The following RBMS3 variants were observed in gnomAD, a reference collection of about 807,000 sequenced individuals.
The protein encoded by RBMS3 is RNA-binding motif, single-stranded-interacting protein 3.
Under a neutral mutation model 66.8 loss-of-function variants are expected in RBMS3, and 27 were observed. That is an observed-to-expected ratio of 0.40 (90% CI 0.30 to 0.56). The LOEUF (loss-of-function observed/expected upper bound fraction) is 0.56, where lower values mean the gene tolerates loss of function less well. Among genes scored for constraint, RBMS3 ranks in the 20% least tolerant of loss-of-function variants. The probability of loss-of-function intolerance (pLI) is 0.40; values close to 1 mark genes in which losing one functional copy is unlikely to be tolerated. For synonymous variants in RBMS3, 188 were observed against 183.0 expected, an observed-to-expected ratio of 1.03 and a Z score of -0.22; for missense variants, 513 against 549.5, an observed-to-expected ratio of 0.93 and a Z score of 0.66.
chr3:29,609,865 G>A (rs1029938538), intron 4 of RBMS3, among the ~76,000 whole-genome samples: 3 of 151,888 alleles, frequency 2.0e-5, no homozygotes, highest in African/African-American at 7.2e-5. Context: ...GGGGATTCGT[G>A]CACAAAAAGG....
At chr3:29,929,395 G>A (rs2061046489) in intron 10 of RBMS3, among the ~76,000 whole-genome samples, 1 of 151,966 alleles carries the variant, frequency 6.6e-6, no homozygotes, top group Non-Finnish European at 1.5e-5. Flanking sequence ...TACCTGCTTT[G>A]GTAAGAAATA....
intron 8 of RBMS3, among the ~76,000 whole-genome samples, chr3:29,894,366 C>T (rs2060073300): frequency 6.6e-6 from 1 of 151,412 alleles, no homozygotes; most frequent in African/African-American, 2.4e-5. Context: ...TACAGACATG[C>T]ACCACCATGC....
intron 10 of RBMS3, among the ~76,000 whole-genome samples, chr3:29,917,185 G>T (rs1039116860): frequency 4.6e-5 from 7 of 151,890 alleles, no homozygotes; most frequent in Non-Finnish European, 1.0e-4. Flanking sequence ...TTCCAGCAGG[G>T]GAAAAATAAT....
At chr3:29,420,011 T>C (rs1338161067) in intron 1 of RBMS3, among the ~76,000 whole-genome samples, 1 of 152,196 alleles carries the variant, frequency 6.6e-6, no homozygotes, top group Admixed American at 6.5e-5. Flanking sequence ...GCTTAAGATG[T>C]AGTCAATTTT....
At chr3:29,529,197 G>C (rs1369122414) in intron 3 of RBMS3, among the ~76,000 whole-genome samples, 2 of 152,122 alleles carry the variant, frequency 1.3e-5, no homozygotes, top group Non-Finnish European at 2.9e-5. Context: ...TGTATTTATT[G>C]ATCTATTGTA....
intron 1 of RBMS3, among the ~76,000 whole-genome samples, chr3:29,310,274 A>AG (rs2034292418): frequency 6.6e-6 from 1 of 151,668 alleles, no homozygotes; most frequent in Non-Finnish European, 1.5e-5. Flanking sequence ...TAATCTCAGT[A>AG]AAGTAGGTCA....
At chr3:29,282,911 A>G (rs759036647) in intron 1 of RBMS3, among the ~76,000 whole-genome samples, 52 of 152,302 alleles carry the variant, frequency 3.4e-4, no homozygotes, top group Non-Finnish European at 5.0e-4. Flanking sequence ...AGTATTATAC[A>G]AAAGATTATT....
chr3:29,500,916 A>C (rs112565181), intron 3 of RBMS3, among the ~76,000 whole-genome samples: 2 of 152,118 alleles, frequency 1.3e-5, no homozygotes, highest in African/African-American at 4.8e-5. Flanking sequence ...GAGTTTAAAA[A>C]TTGTTATATA....
chr3:29,547,807 ATTTTTTTTT>A (rs3043400), intron 3 of RBMS3, among the ~76,000 whole-genome samples: 2 of 93,298 alleles, frequency 2.1e-5, no homozygotes, highest in African/African-American at 4.2e-5. Context: ...TTGTGGATTG[ATTTTTTTTT>A]TTTTTTTTTT....
intron 4 of RBMS3, among the ~76,000 whole-genome samples, chr3:29,725,276 C>T (rs954895451): frequency 3.9e-5 from 6 of 152,102 alleles, no homozygotes; most frequent in South Asian, 2.1e-4. Flanking sequence ...TCACATTAAA[C>T]GTAAGACTTA....
chr3:29,644,465 G>A (rs114335363), intron 4 of RBMS3, among the ~76,000 whole-genome samples: 3 of 152,268 alleles, frequency 2.0e-5, no homozygotes, highest in African/African-American at 4.8e-5. Context: ...TTTGAGCCTC[G>A]TGTCTGAAGC....
At chr3:29,290,641 A>G (rs1002928511) in intron 1 of RBMS3, 4 of 151,874 alleles carry the variant, frequency 2.6e-5, no homozygotes, top group African/African-American at 9.7e-5. Context: ...ATGTATTTCA[A>G]AAAAATTAAC....
chr3:29,311,184 T>C (rs2034351048), intron 1 of RBMS3, among the ~76,000 whole-genome samples: 1 of 151,792 alleles, frequency 6.6e-6, no homozygotes, highest in Non-Finnish European at 1.5e-5. Context: ...ATCTTTTATG[T>C]GCAAACAGAT....
chr3:29,435,065 G>T, intron 2 of RBMS3, 150 bp downstream of exon 2: 2 of 842,192 alleles, frequency 2.4e-6, no homozygotes, highest in Non-Finnish European at 3.6e-6. Context: ...GAGATTCAAT[G>T]CTAGTTTATT....
At chr3:29,542,303 T>G (rs2045794322) in intron 3 of RBMS3, among the ~76,000 whole-genome samples, 1 of 152,182 alleles carries the variant, frequency 6.6e-6, no homozygotes, top group Non-Finnish European at 1.5e-5. Flanking sequence ...TTTTTGTCCC[T>G]TATCCTAACA....
chr3:30,008,637 T>C lies in RBMS3; in HGVS notation c.*4775T>C, dbSNP rs1001945318. On this transcript the variant is annotated 3_prime_UTR_variant, in exon 15 of 15. Transcript: ENST00000383767. The stretch of plus-strand genomic sequence containing the variant: ...GATTGACAGAATTTAAACAGGCTCA[T>C]TGATTCTGTACACTCTACCCTTCCT... The C allele has an allele frequency of 1.3e-5, 2 of 152,218 alleles. No homozygotes were observed. Among genetic ancestry groups the C allele is most frequent in the Admixed American group, 6.5e-5 (1 of 15,270 alleles). The allele number at this position is 152,218 out of a possible 1,614,324, so 9.4% of individuals were successfully genotyped here.
chr3:29,486,231 C>T (rs1474099120), intron 2 of RBMS3, among the ~76,000 whole-genome samples: 1 of 152,142 alleles, frequency 6.6e-6, no homozygotes, highest in Non-Finnish European at 1.5e-5. Flanking sequence ...CCTGAGAGTT[C>T]AGACATGAAC....
At chr3:29,461,514 A>G (rs561274509) in intron 2 of RBMS3, among the ~76,000 whole-genome samples, 2 of 152,358 alleles carry the variant, frequency 1.3e-5, no homozygotes, top group South Asian at 4.1e-4. Flanking sequence ...TGCAGAAAGA[A>G]GCTTTGATAC....
At chr3:29,990,408 T>C (rs1376749947) in intron 13 of RBMS3, among the ~76,000 whole-genome samples, 1 of 148,030 alleles carries the variant, frequency 6.8e-6, no homozygotes, top group Non-Finnish European at 1.5e-5. Flanking sequence ...AAAAATATAT[T>C]CCTGATTGTG....
Sources: gnomAD v4.1 joint callset for allele counts (sites outside exome capture counted in the v4.1 genomes callset) on GRCh38, gnomAD v4.1.1 for gene constraint, MANE v1.5 for transcripts, NCBI Gene and HGNC (gene_info 2026-07-23, HGNC 2026-07-21) for gene names.